The following EXOC3L2 variants were observed in gnomAD, a reference collection of about 807,000 sequenced individuals.
EXOC3L2 encodes exocyst complex component 3 like 2.
A neutral mutation model predicts 44.4 loss-of-function variants in EXOC3L2; 17 were observed. The observed-to-expected ratio is 0.38, with a 90% CI of 0.26 to 0.57. The LOEUF is 0.57. Among genes scored for constraint, EXOC3L2 ranks in the 20% least tolerant of loss-of-function variants. The probability of loss-of-function intolerance (pLI) is 0.65; values close to 1 mark genes in which losing one functional copy is unlikely to be tolerated. For missense variants in EXOC3L2, 541 were observed against 588.4 expected (o/e 0.92, Z 0.83); for synonymous variants, 256 against 253.7 (o/e 1.01, Z -0.09).
rs375652386 is a variant in EXOC3L2 at position 45,225,204 on chromosome 19, G to A, written c.1584-291C>T. ...GGAAGGGGGGTCTCTCTGTGTCTTC[G>A]GGTCTCAGTTTCTCTTGGTGCTTTC... On this transcript the variant is annotated intron_variant, in intron 7 of 11. Transcript: ENST00000413988. Among the ~76,000 whole-genome samples the A allele has an allele frequency of 4.0e-5, 6 of 151,882 alleles. No homozygotes were observed. In the East Asian group the frequency reaches 5.8e-4, roughly 15 times the overall value.
chr19:45,217,595 G>C lies in EXOC3L2; in HGVS notation c.1931C>G (p.Thr644Ser). ...GAGCCTGCCGGCCACGCGGCTGCGG[G>C]TCCGCGCCGAGCTGCAGCGCAGGCG... ...RGRLRCSSAR[T>S]RSRVAGRLRE... is the part of the protein sequence containing the mutation. Residue 644 changes from threonine (T) to serine (S), a missense_variant, in exon 10 of 12, where the codon ACC (threonine) becomes AGC (serine). Coordinates refer to ENST00000413988, the MANE Select transcript of EXOC3L2 (RefSeq NM_001382422.1). 1 of 1,531,200 alleles carries C rather than the reference G, an allele frequency of 6.5e-7. No homozygotes were observed. The highest frequency in any genetic ancestry group is 8.7e-7 in the Non-Finnish European group (1 of 1,145,908). 94.9% of individuals were successfully genotyped at this position (1,531,200 alleles called of 1,614,324 possible).
At chr19:45,242,852 A>C (rs1599769938) in intron 1 of EXOC3L2, among the ~76,000 whole-genome samples, 3 of 128,102 alleles carry the variant, frequency 2.3e-5, no homozygotes, top group African/African-American at 6.5e-5. Context: ...ACAGAGCGAA[A>C]CTCCATCTCA....
In EXOC3L2 at chr19:45,218,257, G is replaced by A. The variant is rs1869939291; in HGVS notation, c.1782C>T (p.Ile594=). The A allele has an allele frequency of 6.6e-7, 1 of 1,505,058 alleles. No individual in the cohort carries two copies. Among genetic ancestry groups the A allele is most frequent in the Admixed American group, 1.8e-5 (1 of 55,058 alleles). The allele number at this position is 1,505,058 out of a possible 1,614,324, so 93.2% of individuals were successfully genotyped here. Residue 594 remains isoleucine, a synonymous_variant, in exon 9 of 12, where the codon ATC becomes ATT. Transcript: ENST00000413988. ...GGGCCTGGGCACCCAGCGTGCCCAC[G>A]ATGCCATCCAGGGCCTCCGGGCTGC... ...WLSSPEALDG[I]VGTLGAQALA...
rs200836902 is a variant in EXOC3L2, at chr19:45,213,099, C to T, written c.2379G>A (p.Pro793=). 1,415 of 1,526,974 alleles carry T rather than the reference C, an allele frequency of 9.3e-4. No individual in the cohort carries two copies. Among genetic ancestry groups the T allele is most frequent in the Non-Finnish European group, 1.1e-3 (1,292 of 1,142,058 alleles). The allele number at this position is 1,526,974 out of a possible 1,614,324, so 94.6% of individuals were successfully genotyped here. ...SLACLPRPRP[P]SLARPRAQR is the part of the protein sequence containing the mutation. ...GCTGGGCCCGAGGTCGCGCTAGAGA[C>T]GGAGGCCGGGGCCGAGGCAGACAGG... Residue 793 remains proline (P), a synonymous_variant, in exon 12 of 12, where the codon CCG becomes CCA. Coordinates refer to ENST00000413988, the MANE Select transcript of EXOC3L2 (RefSeq NM_001382422.1).
intron 8 of EXOC3L2, among the ~76,000 whole-genome samples, chr19:45,222,720 ACT>A (rs955722425): frequency 2.0e-5 from 3 of 152,096 alleles, no homozygotes; most frequent in Non-Finnish European, 2.9e-5. Context: ...ACAGAGCAAG[ACT>A]CTGTCTCAAA....
At position 45,221,549 on chromosome 19, in the gene EXOC3L2, G is replaced by A. The variant is rs146883176; in HGVS notation, c.1719+3229C>T. Among the ~76,000 whole-genome samples, 1,012 of 151,198 alleles carry A rather than the reference G, an allele frequency of 6.7e-3. 16 individuals carry two copies. Among genetic ancestry groups the A allele is most frequent in the African/African-American group, 0.022 (901 of 41,150 alleles). On this transcript the variant is annotated intron_variant, in intron 8 of 11. Transcript: ENST00000413988. Reference sequence around the variant, plus strand: ...TTTTTAGTAGAGATGGGGTTTCACCGTGTTGGCCAGGATGGTCTCTTGACC... The same window carrying A: ...TTTTTAGTAGAGATGGGGTTTCACCATGTTGGCCAGGATGGTCTCTTGACC...
At chr19:45,242,654 G>A (rs1970139546) in intron 1 of EXOC3L2, among the ~76,000 whole-genome samples, 1 of 152,182 alleles carries the variant, frequency 6.6e-6, no homozygotes, top group African/African-American at 2.4e-5. Flanking sequence ...CTGAGGTCAG[G>A]AGTTTGAGAC....
chr19:45,215,594 A>G (rs188515109), intron 11 of EXOC3L2, among the ~76,000 whole-genome samples: 8 of 152,234 alleles, frequency 5.3e-5, no homozygotes, highest in Non-Finnish European at 1.2e-4. Context: ...GATGATGATA[A>G]ATTTCCCTAA....
At chr19:45,226,747 CT>C (rs957385712) in intron 7 of EXOC3L2, among the ~76,000 whole-genome samples, 1,504 of 90,654 alleles carry the variant, frequency 0.017, 8 homozygotes, top group Non-Finnish European at 0.023. Flanking sequence ...ACTCCCATCT[CT>C]TTTTTTTTTT....
Position 45,225,386 on chromosome 19 carries a change from G to A in EXOC3L2, c.1584-473C>T, listed in dbSNP as rs1392881645. ...CAGGTTCATGCCATTCTCCTGCCTC[G>A]GCCTTCCGAGTAGCTGGGACTACAG... On this transcript the variant is annotated intron_variant, in intron 7 of 11. Transcript: ENST00000413988. 2.7e-5 allele frequency among the ~76,000 whole-genome samples: 4 copies of A among 150,868 alleles called. No individual in the cohort carries two copies. In the East Asian group the frequency reaches 5.9e-4, roughly 22 times the overall value.
chr19:45,231,151 A>G (rs182987942), intron 4 of EXOC3L2, among the ~76,000 whole-genome samples: 162 of 152,242 alleles, frequency 1.1e-3, no homozygotes, highest in Non-Finnish European at 2.1e-3. Context: ...TCTCTTTTCT[A>G]TGGTTCTAGG....
At chr19:45,235,394 G>A (rs1970074167) in intron 2 of EXOC3L2, among the ~76,000 whole-genome samples, 1 of 152,136 alleles carries the variant, frequency 6.6e-6, no homozygotes, top group Non-Finnish European at 1.5e-5. Flanking sequence ...AAATGGAGGA[G>A]GGGTCGGAGG....
Position 45,216,144 on chromosome 19 carries a change from G to T in EXOC3L2, c.2049C>A (p.Val683=). 1 of 1,613,996 alleles carries T rather than the reference G, an allele frequency of 6.2e-7. No individual in the cohort carries two copies. The highest frequency in any genetic ancestry group is 8.5e-7 in the Non-Finnish European group (1 of 1,180,004). The change falls in exon 11 of 12, where the codon GTC becomes GTA. Residue 683 remains valine, a synonymous_variant. Transcript: ENST00000413988. ...LDAVVPHLAE[V]MQLEDTPSIQ... is the part of the protein sequence containing the mutation. ...TGCTGGGCGTGTCTTCCAGCTGCAT[G>T]ACTTCAGCCAAATGGGGCACCACGG...
chr19:45,239,081 C>T lies in EXOC3L2; in HGVS notation c.-16-20G>A. Reference sequence around the variant, plus strand: ...GGGGACCTGGGGAAAAAAATAATGACCATGGGCGATGCTGATGACAATGGT... The same window carrying T: ...GGGGACCTGGGGAAAAAAATAATGATCATGGGCGATGCTGATGACAATGGT... On this transcript the variant is annotated intron_variant, in intron 1 of 11. Transcript: ENST00000413988. 2.5e-6 allele frequency: 1 copy of T among 398,978 alleles called. No homozygotes were observed. The highest frequency in any genetic ancestry group is 4.4e-6 in the Non-Finnish European group (1 of 226,142). 24.7% of individuals were successfully genotyped at this position (398,978 alleles called of 1,614,324 possible).
chr19:45,218,158 T>TGCGC, intron 9 of EXOC3L2, 39 bp downstream of exon 9: 2 of 1,034,906 alleles, frequency 1.9e-6, no homozygotes, highest in South Asian at 1.8e-5. Context: ...TCCCCTCTTT[T>TGCGC]CCCCCACCCC....
intron 11 of EXOC3L2, among the ~76,000 whole-genome samples, chr19:45,213,719 C>G (rs994271638): frequency 6.6e-6 from 1 of 151,610 alleles, no homozygotes; most frequent in Non-Finnish European, 1.5e-5. Flanking sequence ...CCAAGGCAGG[C>G]GGATCACCTG....
Position 45,224,884 on chromosome 19 carries a change from C to T in EXOC3L2, c.1613G>A (p.Gly538Glu). The T allele has an allele frequency of 6.4e-7, 1 of 1,562,810 alleles. No homozygotes were observed. The highest frequency in any genetic ancestry group is 8.7e-7 in the Non-Finnish European group (1 of 1,152,424). Residue 538 changes from glycine to glutamate, a missense_variant, in exon 8 of 12, where the codon GGG becomes GAG. Physicochemically the swap from Gly to Glu is moderately conservative, Grantham distance 98. Coordinates refer to ENST00000413988, the MANE Select transcript of EXOC3L2 (RefSeq NM_001382422.1). ...CCGGGCCGGCTCGCTTTCTGGGGGC[C>T]CCACCCGGGCCAGGCGCTCGGCCAG... ...RALAERLARV[G>E]PPESEPAREA...
rs2109474 is a variant in EXOC3L2, at chr19:45,217,506, C to T, written c.1998+22G>A. On this transcript the variant is annotated intron_variant, in intron 10 of 11. Coordinates refer to ENST00000413988, the MANE Select transcript of EXOC3L2 (RefSeq NM_001382422.1). ...CCTTGTCCTGGTTTCTGAAACACCC[C>T]CAACCGCGTCCCGACACTGACCAGC... The T allele has an allele frequency of 3.0e-3, 4,711 of 1,563,024 alleles. 134 individuals carry two copies. The African/African-American group carries it at 0.055, about 18-fold the overall frequency.
At chr19:45,244,945 T>A (rs1346281955) in intron 1 of EXOC3L2, among the ~76,000 whole-genome samples, 1 of 151,580 alleles carries the variant, frequency 6.6e-6, no homozygotes, top group Non-Finnish European at 1.5e-5. Context: ...GGTCCCTGTC[T>A]CCCATCTCCG....
Sources: allele counts gnomAD v4.1 joint callset (sites outside exome capture counted in the v4.1 genomes callset), GRCh38; gene constraint gnomAD v4.1.1; transcripts MANE v1.5; gene names NCBI Gene and HGNC (gene_info 2026-07-23, HGNC 2026-07-21).